Variants in FOCAD observed in about 807,000 individuals in gnomAD.
FOCAD encodes the protein focadhesin.
FOCAD carries 198 observed loss-of-function variants against 225.6 expected under a neutral mutation model. The observed-to-expected ratio is 0.88, with a 90% CI of 0.78 to 0.99. FOCAD has a LOEUF of 0.99. Ranked by LOEUF, FOCAD falls within the 50% of genes least tolerant of loss-of-function variation. FOCAD has a pLI of 0.00. For synonymous variants in FOCAD, 897 were observed against 755.0 expected (o/e 1.19, Z -3.08); for missense variants, 2,713 against 2,123.6 (o/e 1.28, Z -5.46).
chr9:20,943,233 T>G (rs1484415516), intron 28 of FOCAD, among the ~76,000 whole-genome samples: 1 of 152,230 alleles, frequency 6.6e-6, no homozygotes, highest in Non-Finnish European at 1.5e-5. Context: ...ATTGAGCTTG[T>G]TAAGTTTACG....
At chr9:20,960,033 A>G (rs2132449521) in intron 35 of FOCAD, among the ~76,000 whole-genome samples, 1 of 152,268 alleles carries the variant, frequency 6.6e-6, no homozygotes, top group Non-Finnish European at 1.5e-5. Flanking sequence ...GCACTATTCA[A>G]GTTTCATCAA....
At chr9:20,893,111 C>A (rs1388234169) in intron 21 of FOCAD, among the ~76,000 whole-genome samples, 1 of 152,046 alleles carries the variant, frequency 6.6e-6, no homozygotes, top group Non-Finnish European at 1.5e-5. Flanking sequence ...CTACAGCCTC[C>A]AACTCCTGGG....
chr9:20,862,674 C>G lies in FOCAD; in HGVS notation c.2017C>G (p.Leu673Val), dbSNP rs377733434. The G allele has an allele frequency of 1.2e-6, 2 of 1,613,122 alleles. No homozygotes were observed. Among genetic ancestry groups the G allele is most frequent in the Admixed American group, 1.7e-5 (1 of 59,944 alleles). ...GAAGACACTGAGTGAACTATTTTCT[C>G]TAGTTCCTTCCTTAACGGTCAATAC... ...ILKTLSELFS[L>V]VPSLTVNTTE... Residue 673 changes from leucine (L) to valine (V), a missense_variant, in exon 16 of 44, where the codon CTA (leucine) becomes GTA (valine). Coordinates refer to ENST00000338382, the MANE Select transcript of FOCAD (RefSeq NM_001375567.1).
chr9:20,933,221 T>C, intron 28 of FOCAD, 118 bp downstream of exon 28: 1 of 697,152 alleles, frequency 1.4e-6, no homozygotes, highest in Non-Finnish European at 2.4e-6. Flanking sequence ...CCATAGGTTA[T>C]TGGGGAACAG....
chr9:20,798,858 C>T (rs929572868), intron 11 of FOCAD, among the ~76,000 whole-genome samples: 4 of 152,070 alleles, frequency 2.6e-5, no homozygotes, highest in African/African-American at 9.7e-5. Flanking sequence ...TTCAGTTCTG[C>T]TCTGATCTTA....
chr9:20,790,865 C>G (rs1333817048), intron 11 of FOCAD, among the ~76,000 whole-genome samples: 1 of 152,208 alleles, frequency 6.6e-6, no homozygotes, highest in South Asian at 2.1e-4. Flanking sequence ...GTCATGTAAA[C>G]AACTGCTGAT....
At chr9:20,791,062 A>G (rs1820476410) in intron 11 of FOCAD, among the ~76,000 whole-genome samples, 1 of 152,122 alleles carries the variant, frequency 6.6e-6, no homozygotes, top group African/African-American at 2.4e-5. Context: ...GTTTTCTTTC[A>G]GTGTTGACAC....
intron 35 of FOCAD, among the ~76,000 whole-genome samples, chr9:20,969,406 A>G (rs928611241): frequency 2.0e-5 from 3 of 151,874 alleles, no homozygotes; most frequent in Non-Finnish European, 4.4e-5. Context: ...AGAGCTATCT[A>G]TTTCTCCTTT....
At chr9:20,867,812 A>G (rs1291041460) in intron 18 of FOCAD, among the ~76,000 whole-genome samples, 2 of 152,006 alleles carry the variant, frequency 1.3e-5, no homozygotes, top group African/African-American at 4.8e-5. Context: ...ACGTGGCAAG[A>G]AGGTTTGGTG....
At chr9:20,874,544 T>G (rs1830066916) in intron 18 of FOCAD, 137 bp from the exon 19 acceptor site, 3 of 782,882 alleles carry the variant, frequency 3.8e-6, no homozygotes, top group Non-Finnish European at 5.9e-6. Flanking sequence ...AAAAAATTAA[T>G]TTCAGTGGTC....
chr9:20,765,548 G>A (rs527777728), intron 7 of FOCAD, among the ~76,000 whole-genome samples: 2 of 152,270 alleles, frequency 1.3e-5, no homozygotes, highest in African/African-American at 4.8e-5. Flanking sequence ...TGCAACATAT[G>A]CAGCAGCTCT....
At position 20,990,159 on chromosome 9, in the gene FOCAD, G is replaced by C; in HGVS notation, c.5041G>C (p.Val1681Leu). ...CTTCTTGCTGATATTTGCAACCGCA[G>C]TGGTTGCATGGGCTGACCACACTGC... ...DFFLLIFATA[V>L]VAWADHTAPL... is the part of the protein sequence containing the mutation. The change falls in exon 42 of 44, where the codon GTG (valine) becomes CTG (leucine). Residue 1681 changes from valine (V) to leucine (L), a missense_variant. By Grantham distance (32) the Val-to-Leu change is conservative. Transcript: ENST00000338382. 1 of 1,614,224 alleles carries C rather than the reference G, an allele frequency of 6.2e-7. No homozygotes were observed. Among genetic ancestry groups the C allele is most frequent in the Non-Finnish European group, 8.5e-7 (1 of 1,180,030 alleles).
rs142945202 is a variant in FOCAD at position 20,988,382 on chromosome 9, A to C, written c.4957A>C (p.Asn1653His). Reference sequence around the variant, plus strand: ...CTTGGAACTGATGGGTTATATTAGAAATGTTGCTTACCAGTCAACATCCTT... The same window carrying C: ...CTTGGAACTGATGGGTTATATTAGACATGTTGCTTACCAGTCAACATCCTT... The part of the protein sequence containing the change: ...WLLELMGYIR[N>H]VAYQSTSFHN... Residue 1653 changes from asparagine to histidine, a missense_variant, in exon 41 of 44, where the codon AAT becomes CAT. Coordinates refer to ENST00000338382, the MANE Select transcript of FOCAD (RefSeq NM_001375567.1). 1.9e-6 allele frequency: 3 copies of C among 1,612,282 alleles called. No homozygotes were observed. The highest frequency in any genetic ancestry group is 2.2e-5 in the East Asian group (1 of 44,766).
upstream of FOCAD, chr9:20,683,375 T>C (rs1822464895): frequency 6.6e-6 from 1 of 151,980 alleles, no homozygotes; most frequent in Admixed American, 6.5e-5. Flanking sequence ...ATTTTTAGAG[T>C]AATTTGTCTT....
chr9:20,722,574 A>G (rs1374783002), intron 4 of FOCAD, among the ~76,000 whole-genome samples: 11 of 152,252 alleles, frequency 7.2e-5, no homozygotes, highest in Non-Finnish European at 1.0e-4. Context: ...ATGCCCAGAT[A>G]TTTCTGAATA....
upstream of FOCAD, among the ~76,000 whole-genome samples, chr9:20,657,291 G>A (rs372077919): frequency 0.012 from 1,389 of 118,928 alleles, 15 homozygotes; most frequent in Non-Finnish European, 0.018. Flanking sequence ...TCTTTGTGGC[G>A]TTCTCTGTAT....
At chr9:20,757,871 T>C (rs1322312794) in intron 5 of FOCAD, among the ~76,000 whole-genome samples, 2 of 152,192 alleles carry the variant, frequency 1.3e-5, no homozygotes, top group Non-Finnish European at 2.9e-5. Flanking sequence ...CCTGTGTCCA[T>C]TTTGTTTTCT....
chr9:20,744,607 A>T (rs1404997285), intron 5 of FOCAD, among the ~76,000 whole-genome samples: 1 of 152,164 alleles, frequency 6.6e-6, no homozygotes, highest in Non-Finnish European at 1.5e-5. Context: ...TAGGAGCTTT[A>T]AAATATATGG....
At chr9:20,740,787 A>T (rs145704464) in intron 5 of FOCAD, among the ~76,000 whole-genome samples, 1 of 152,142 alleles carries the variant, frequency 6.6e-6, no homozygotes, top group Non-Finnish European at 1.5e-5. Context: ...AGGAGTGTTG[A>T]TTTGCCTTTT....
Sources: gnomAD v4.1 joint callset for allele counts (sites outside exome capture counted in the v4.1 genomes callset) on GRCh38, gnomAD v4.1.1 for gene constraint, MANE v1.5 for transcripts, NCBI Gene and HGNC (gene_info 2026-07-23, HGNC 2026-07-21) for gene names.